SPTBN2: variants seen among roughly 807,000 people sequenced by gnomAD.
SPTBN2 encodes spectrin beta, non-erythrocytic 2.
A neutral mutation model predicts 284.2 loss-of-function variants in SPTBN2; 107 were observed. The ratio of observed to expected loss-of-function variants is 0.38; its 90% CI spans 0.32 to 0.44. The LOEUF is 0.44. Among genes scored for constraint, SPTBN2 ranks in the 20% least tolerant of loss-of-function variants. SPTBN2 has a pLI of 1.00. For synonymous variants in SPTBN2, 1,289 were observed against 1,354.8 expected (o/e 0.95, Z 1.07); for missense variants, 2,569 against 3,287.1 (o/e 0.78, Z 5.34).
chr11:66,709,043 G>A (rs750375971), intron 10 of SPTBN2, 24 bp from the exon 11 acceptor site: 16 of 1,604,286 alleles, frequency 1.0e-5, no homozygotes, highest in Middle Eastern at 3.3e-4. Context: ...CCGGGTTGGG[G>A]TCAGAATTAA....
intron 3 of SPTBN2, among the ~76,000 whole-genome samples, chr11:66,717,656 T>C (rs1011173157): frequency 1.3e-5 from 2 of 152,126 alleles, no homozygotes; most frequent in Non-Finnish European, 2.9e-5. Context: ...TCACAGGCCA[T>C]TGCTGGATCC....
In SPTBN2 at chr11:66,708,528, A is replaced by G. The variant is rs1941689091; in HGVS notation, c.1192-229T>C. The stretch of plus-strand genomic sequence containing the variant: ...GAGCACGAACAGTGGAAACCATCTG[A>G]TTCCTTTGTGTTGGCAGGACTGTGT... On this transcript the variant is annotated intron_variant, in intron 11 of 37. Coordinates refer to ENST00000533211, the MANE Select transcript of SPTBN2 (RefSeq NM_006946.4). The surrounding 1 kb of genome is among the most constrained non-coding windows in gnomAD (Gnocchi z 4.4). 6.6e-6 allele frequency among the ~76,000 whole-genome samples: 1 copy of G among 152,236 alleles called. No individual in the cohort carries two copies. The highest frequency in any genetic ancestry group is 1.5e-5 in the Non-Finnish European group (1 of 68,040).
chr11:66,734,435 A>G (rs911544201), intron 1 of SPTBN2, among the ~76,000 whole-genome samples: 2 of 152,136 alleles, frequency 1.3e-5, no homozygotes. Context: ...CACCACTTGC[A>G]CTTGGCACTC....
At chr11:66,698,524 T>A in intron 20 of SPTBN2, 115 bp downstream of exon 20, 1 of 1,497,434 alleles carries the variant, frequency 6.7e-7, no homozygotes, top group Non-Finnish European at 9.2e-7. Context: ...ACCATGGAGC[T>A]GTGGCACCAG....
At chr11:66,701,325 C>T in intron 16 of SPTBN2, 43 bp from the exon 17 acceptor site, 3 of 1,605,770 alleles carry the variant, frequency 1.9e-6, no homozygotes, top group Non-Finnish European at 2.5e-6. Flanking sequence ...CTGGCCAGGC[C>T]TGTTTGGAAG....
chr11:66,690,014 A>G (rs765573792), intron 28 of SPTBN2, 25 bp downstream of exon 28: 4 of 1,614,222 alleles, frequency 2.5e-6, no homozygotes, highest in Non-Finnish European at 3.4e-6. Context: ...CAACCCGTGG[A>G]GGCCCTGAGC....
chr11:66,735,490 A>T (rs1426808725), intron 1 of SPTBN2, among the ~76,000 whole-genome samples: 2 of 152,066 alleles, frequency 1.3e-5, no homozygotes, highest in East Asian at 3.9e-4. Context: ...CAAGAGGATT[A>T]CTTAAGGCCA....
chr11:66,697,464 C>T (rs1233953101), intron 20 of SPTBN2, among the ~76,000 whole-genome samples: 1 of 152,086 alleles, frequency 6.6e-6, no homozygotes, highest in African/African-American at 2.4e-5. Flanking sequence ...GGGCTTCTCT[C>T]CCACCTCTTC....
In SPTBN2 at chr11:66,685,798, G is replaced by C; in HGVS notation, c.*73C>G. The C allele has an allele frequency of 7.0e-7, 1 of 1,431,598 alleles. No homozygotes were observed. Among genetic ancestry groups the C allele is most frequent in the Non-Finnish European group, 9.8e-7 (1 of 1,018,240 alleles). The allele number at this position is 1,431,598 out of a possible 1,614,324, so 88.7% of individuals were successfully genotyped here. On this transcript the variant is annotated 3_prime_UTR_variant, in exon 38 of 38. Transcript: ENST00000533211. This position sits in a 1 kb window ranked among gnomAD's most constrained non-coding sequence, Gnocchi z 4.4. ...CAGCAGGCAGTTGTCCTGACAAGAG[G>C]GCGGTCCCTGTCGACTGTCCCTGGC...
intron 1 of SPTBN2, among the ~76,000 whole-genome samples, chr11:66,743,782 C>A (rs1942923484): frequency 6.6e-6 from 1 of 152,190 alleles, no homozygotes; most frequent in African/African-American, 2.4e-5. Flanking sequence ...TCCCAGGTCC[C>A]ACCTTTGCGG....
chr11:66,704,791 T>C lies in SPTBN2; in HGVS notation c.2485A>G (p.Thr829Ala). 6.2e-7 allele frequency: 1 copy of C among 1,604,228 alleles called. No homozygotes were observed. Residue 829 changes from threonine (T) to alanine (A), a missense_variant, in exon 15 of 38, where the codon ACC (threonine) becomes GCC (alanine). Physicochemically the swap from Thr to Ala is moderately conservative, Grantham distance 58. Around this residue, in one of 6 missense-constraint regions of SPTBN2, gnomAD observed 1,012 missense variants for 1,248.9 expected, o/e 0.81. Coordinates refer to ENST00000533211, the MANE Select transcript of SPTBN2 (RefSeq NM_006946.4). ...RTPEVQSRVPTLERHYEELQA... is the reference protein window; with the variant it reads ...RTPEVQSRVPALERHYEELQA... ...AGCTCCTCGTAGTGCCGCTCCAGGG[T>C]GGGCACCCGGCTCTGCACCTCGGGC... is the stretch of plus-strand genomic sequence containing the variant.
Position 66,687,151 on chromosome 11 carries a change from A to G in SPTBN2, c.6739T>C (p.Tyr2247His), listed in dbSNP as rs201138924. 111 of 1,613,992 alleles carry G rather than the reference A, an allele frequency of 6.9e-5. 1 individual carries two copies. The highest frequency in any genetic ancestry group is 1.6e-4 in the South Asian group (15 of 91,082). ...AGGCTCCCACGCCGCAGGACACAGT[A>G]CACGTTCTGCCAGGACCTGCGAGGG... The part of the protein sequence containing the change: ...KAANRSWQNV[Y>H]CVLRRGSLGF... Residue 2247 changes from tyrosine (Y) to histidine (H), a missense_variant, in exon 36 of 38, where the codon TAC (tyrosine) becomes CAC (histidine). Transcript: ENST00000533211. This position sits in a 1 kb window ranked among gnomAD's most constrained non-coding sequence, Gnocchi z 5.2.
At position 66,715,909 on chromosome 11, in the gene SPTBN2, C is replaced by T. The variant is rs183081994; in HGVS notation, c.230G>A (p.Arg77Gln). The change falls in exon 4 of 38, where the codon CGG (arginine) becomes CAG (glutamine). Residue 77 changes from arginine (R) to glutamine (Q), a missense_variant. Transcript: ENST00000533211. This position sits in a 1 kb window ranked among gnomAD's most constrained non-coding sequence, Gnocchi z 5.3. ...GAGGTCGCTGTACAGGTCCCCCACC[C>T]GGCACGTGACCCGGGCCAGGTGCGA... ...VNSHLARVTC[R>Q]VGDLYSDLRD... The T allele has an allele frequency of 6.2e-6, 10 of 1,614,110 alleles. No individual in the cohort carries two copies. The highest frequency in any genetic ancestry group is 1.3e-5 in the African/African-American group (1 of 75,034).
At position 66,718,277 on chromosome 11, in the gene SPTBN2, G is replaced by A. The variant is rs181620997; in HGVS notation, c.158-2296C>T. Among the ~76,000 whole-genome samples the A allele has an allele frequency of 2.0e-5, 3 of 152,174 alleles. No homozygotes were observed. Among genetic ancestry groups the A allele is most frequent in the East Asian group, 1.9e-4 (1 of 5,190 alleles). On this transcript the variant is annotated intron_variant, in intron 3 of 37. Transcript: ENST00000533211. This position sits in a 1 kb window ranked among gnomAD's most constrained non-coding sequence, Gnocchi z 4.8. ...TTCCGTTGACATCTGTGTATTTTCC[G>A]GCCTCTTGTAATTATCCCCTCTAAG...
At chr11:66,697,697 G>A (rs1940997187) in intron 20 of SPTBN2, among the ~76,000 whole-genome samples, 1 of 152,070 alleles carries the variant, frequency 6.6e-6, no homozygotes, top group Non-Finnish European at 1.5e-5. Flanking sequence ...TATTCCCCAG[G>A]CTTCAACGGG....
At chr11:66,737,222 T>C (rs1277489469) in intron 1 of SPTBN2, among the ~76,000 whole-genome samples, 2 of 152,164 alleles carry the variant, frequency 1.3e-5, no homozygotes, top group African/African-American at 2.4e-5. Context: ...AAGGGGGAGA[T>C]TATTTGCATT....
chr11:66,728,274 A>G (rs1565163403), intron 1 of SPTBN2: 2 of 143,784 alleles, frequency 1.4e-5, no homozygotes, highest in East Asian at 2.1e-4. Flanking sequence ...GGCCGGGCGC[A>G]CGGCGGGCGG....
chr11:66,690,286 G>A lies in SPTBN2; in HGVS notation c.5566-3C>T. On this transcript the variant is annotated splice_region_variant and splice_polypyrimidine_tract_variant and intron_variant, in intron 27 of 37. Coordinates refer to ENST00000533211, the MANE Select transcript of SPTBN2 (RefSeq NM_006946.4). Reference sequence around the variant, plus strand: ...CCGTCGTCCTGCACCTGCTGGACCTGCGGAGCCCCGGGTCAGAGTCAGGCA... The same window carrying A: ...CCGTCGTCCTGCACCTGCTGGACCTACGGAGCCCCGGGTCAGAGTCAGGCA... 1.9e-6 allele frequency: 3 copies of A among 1,603,494 alleles called. No individual in the cohort carries two copies. The highest frequency in any genetic ancestry group is 2.6e-6 in the Non-Finnish European group (3 of 1,176,170).
chr11:66,688,427 G>A, intron 31 of SPTBN2, 116 bp from the exon 32 acceptor site: 1 of 1,532,868 alleles, frequency 6.5e-7, no homozygotes, highest in Non-Finnish European at 8.7e-7. Context: ...GAGGAGAACA[G>A]AATTTGAGAA....
Sources: allele counts gnomAD v4.1 joint callset (sites outside exome capture counted in the v4.1 genomes callset), GRCh38; gene constraint gnomAD v4.1.1; regional missense constraint gnomAD v4.1.1; non-coding constraint Gnocchi (gnomAD v3.1); transcripts MANE v1.5; gene names NCBI Gene and HGNC (gene_info 2026-07-23, HGNC 2026-07-21).